The following PRKCSH variants were observed in gnomAD, a reference collection of about 807,000 sequenced individuals.
PRKCSH encodes the protein PRKCSH beta subunit of glucosidase II, also known as glucosidase 2 subunit beta.
PRKCSH carries 42 observed loss-of-function variants against 79.7 expected under a neutral mutation model. The observed-to-expected ratio is 0.53, with a 90% CI of 0.41 to 0.68. The LOEUF (loss-of-function observed/expected upper bound fraction) is 0.68. PRKCSH is among the 30% of genes least tolerant of loss of function. The pLI is 0.00. For synonymous variants in PRKCSH, 325 were observed against 288.2 expected (o/e 1.13, Z -1.29); for missense variants, 686 against 709.0 (o/e 0.97, Z 0.37).
rs1429369917 is a variant in PRKCSH at position 11,449,868 on chromosome 19, A to G, written c.*16+440A>G. 3 of 201,108 alleles carry G rather than the reference A, an allele frequency of 1.5e-5. No homozygotes were observed. The highest frequency in any genetic ancestry group is 2.9e-5 in the Non-Finnish European group (3 of 102,078). The allele number at this position is 201,108 out of a possible 1,614,324, so 12.5% of individuals were successfully genotyped here. The stretch of plus-strand genomic sequence containing the variant: ...CCTTTTTTTTTTTGGATGGAGTTTC[A>G]CTCTTGTTGCCGAGGCTGGAATGTG... On this transcript the variant is annotated intron_variant, in intron 17 of 17. Coordinates refer to ENST00000677123, the MANE Select transcript of PRKCSH (RefSeq NM_001289104.2). This position sits in a 1 kb window ranked among gnomAD's most constrained non-coding sequence, Gnocchi z 6.4.
chr19:11,442,247 A>G (rs1403009355), intron 6 of PRKCSH, 139 bp from the exon 7 acceptor site: 1 of 1,288,980 alleles, frequency 7.8e-7, no homozygotes, highest in Non-Finnish European at 1.1e-6. Flanking sequence ...AGGGAACCCC[A>G]GCTCGGGAGA....
Position 11,436,215 on chromosome 19 carries a change from C to T in PRKCSH, c.79+19C>T, listed in dbSNP as rs748951893. On this transcript the variant is annotated intron_variant, in intron 2 of 17. Transcript: ENST00000677123. ...CTCACCAGTGAGTCCTCCTGTTCACCCTCCCGCCAGGCTGGAGGTGGGAGG... is the reference window on the plus strand; with the variant it reads ...CTCACCAGTGAGTCCTCCTGTTCACTCTCCCGCCAGGCTGGAGGTGGGAGG... The T allele has an allele frequency of 5.7e-6, 9 of 1,591,824 alleles. No homozygotes were observed. Among genetic ancestry groups the T allele is most frequent in the South Asian group, 4.5e-5 (4 of 89,022 alleles).
intron 2 of PRKCSH, 53 bp downstream of exon 2, chr19:11,436,249 T>C (rs1035121766): frequency 1.9e-6 from 3 of 1,601,728 alleles, no homozygotes; most frequent in Non-Finnish European, 2.6e-6. Flanking sequence ...GGGGCCAACA[T>C]TGGGCCTTAG....
At chr19:11,439,952 G>C (rs947523901) in intron 5 of PRKCSH, among the ~76,000 whole-genome samples, 2 of 151,692 alleles carry the variant, frequency 1.3e-5, no homozygotes, top group East Asian at 3.9e-4. Context: ...GGGTGTGTTG[G>C]TGCGTGTCTG....
In PRKCSH at chr19:11,447,058, C is replaced by G. The variant is rs1319279659; in HGVS notation, c.763-16C>G. ...CGTGGTGGCCTAGATCTTGACACCACCCCCAACACACACAGGCCCTCCTCA... is the reference window on the plus strand; with the variant it reads ...CGTGGTGGCCTAGATCTTGACACCAGCCCCAACACACACAGGCCCTCCTCA... On this transcript the variant is annotated splice_polypyrimidine_tract_variant and intron_variant, in intron 9 of 17. Coordinates refer to ENST00000677123, the MANE Select transcript of PRKCSH (RefSeq NM_001289104.2). This position sits in a 1 kb window ranked among gnomAD's most constrained non-coding sequence, Gnocchi z 5.6. 6.2e-7 allele frequency: 1 copy of G among 1,612,980 alleles called. No homozygotes were observed. The highest frequency in any genetic ancestry group is 1.1e-5 in the South Asian group (1 of 91,066).
chr19:11,447,659 G>T lies in PRKCSH; in HGVS notation c.1030-34G>T. 6.4e-7 allele frequency: 1 copy of T among 1,566,782 alleles called. No individual in the cohort carries two copies. Among genetic ancestry groups the T allele is most frequent in the Non-Finnish European group, 8.7e-7 (1 of 1,155,308 alleles). On this transcript the variant is annotated intron_variant, in intron 11 of 17. Transcript: ENST00000677123. This position sits in a 1 kb window ranked among gnomAD's most constrained non-coding sequence, Gnocchi z 5.6. ...AGAAGTGGAGACAGAGAGGGTGGGG[G>T]AAGGGCTACTCACTGACCCTGCCCC...
rs1970424220 is a variant in PRKCSH, at chr19:11,448,360, T to G, written c.1196+69T>G. Reference sequence around the variant, plus strand: ...GCTCCTTGACTCCCAGGGGAGCTGGTGATGGGGAATCACTGAGGCAACCAC... The same window carrying G: ...GCTCCTTGACTCCCAGGGGAGCTGGGGATGGGGAATCACTGAGGCAACCAC... On this transcript the variant is annotated intron_variant, in intron 13 of 17. Coordinates refer to ENST00000677123, the MANE Select transcript of PRKCSH (RefSeq NM_001289104.2). This position sits in a 1 kb window ranked among gnomAD's most constrained non-coding sequence, Gnocchi z 4.4. 6.5e-7 allele frequency: 1 copy of G among 1,535,312 alleles called. No individual in the cohort carries two copies. Among genetic ancestry groups the G allele is most frequent in the Non-Finnish European group, 8.8e-7 (1 of 1,131,112 alleles).
In PRKCSH at chr19:11,447,675, A is replaced by C. The variant is rs1489658735; in HGVS notation, c.1030-18A>C. ...AGGGTGGGGGAAGGGCTACTCACTG[A>C]CCCTGCCCCTGCCCCAGGAGGCCCC... On this transcript the variant is annotated intron_variant, in intron 11 of 17. Coordinates refer to ENST00000677123, the MANE Select transcript of PRKCSH (RefSeq NM_001289104.2). This position sits in a 1 kb window ranked among gnomAD's most constrained non-coding sequence, Gnocchi z 5.6. 3 of 1,561,008 alleles carry C rather than the reference A, an allele frequency of 1.9e-6. No homozygotes were observed. The highest frequency in any genetic ancestry group is 1.4e-5 in the African/African-American group (1 of 73,402).
chr19:11,449,605 C>G lies in PRKCSH; in HGVS notation c.*16+177C>G. On this transcript the variant is annotated intron_variant, in intron 17 of 17. Coordinates refer to ENST00000677123, the MANE Select transcript of PRKCSH (RefSeq NM_001289104.2). The surrounding 1 kb of genome is among the most constrained non-coding windows in gnomAD (Gnocchi z 6.4). ...TGGCCCAGGCTGGAGTGCAGTGATG[C>G]GACCTCAGCTGACTGCAACCTCTAC... 2 of 788,818 alleles carry G rather than the reference C, an allele frequency of 2.5e-6. No individual in the cohort carries two copies. Among genetic ancestry groups the G allele is most frequent in the Non-Finnish European group, 4.0e-6 (2 of 502,812 alleles). 48.9% of individuals were successfully genotyped at this position (788,818 alleles called of 1,614,324 possible).
chr19:11,435,939 A>G, intron 1 of PRKCSH, 102 bp from the exon 2 acceptor site: 4 of 993,794 alleles, frequency 4.0e-6, no homozygotes, highest in Non-Finnish European at 6.2e-6. Context: ...TCGCCCCCAT[A>G]TCGGAAACAA....
In PRKCSH at chr19:11,448,773, A is replaced by G. The variant is rs372478511; in HGVS notation, c.1287-141A>G. ...TGCCTTCCATATTGAGGGGGAGCAG[A>G]AGCCAGGGGCCAGGTTTAGGGTTGG... is the stretch of plus-strand genomic sequence containing the variant. On this transcript the variant is annotated intron_variant, in intron 14 of 17. Coordinates refer to ENST00000677123, the MANE Select transcript of PRKCSH (RefSeq NM_001289104.2). This position sits in a 1 kb window ranked among gnomAD's most constrained non-coding sequence, Gnocchi z 4.4. 3.0e-6 allele frequency: 4 copies of G among 1,330,788 alleles called. No individual in the cohort carries two copies. In the African/African-American group the frequency reaches 5.8e-5, roughly 19 times the overall value. The allele number at this position is 1,330,788 out of a possible 1,614,324, so 82.4% of individuals were successfully genotyped here.
chr19:11,439,902 A>G lies in PRKCSH; in HGVS notation c.351-1338A>G, dbSNP rs149277269. On this transcript the variant is annotated intron_variant, in intron 5 of 17. Coordinates refer to ENST00000677123, the MANE Select transcript of PRKCSH (RefSeq NM_001289104.2). ...CCAAAGTGCGGGGATTACAGATGTG[A>G]GCCACCATGCCCGGCTGAAAATTTG... 6.2e-3 allele frequency among the ~76,000 whole-genome samples: 943 copies of G among 151,646 alleles called. 12 individuals carry two copies. Among genetic ancestry groups the G allele is most frequent in the African/African-American group, 0.021 (880 of 41,378 alleles).
intron 6 of PRKCSH, 68 bp downstream of exon 6, chr19:11,441,425 G>T: frequency 6.8e-7 from 1 of 1,470,406 alleles, no homozygotes. Flanking sequence ...GGGCTTGCAA[G>T]GCTGGGGAGG....
chr19:11,446,838 T>C (rs576479150), intron 9 of PRKCSH, among the ~76,000 whole-genome samples: 4 of 152,002 alleles, frequency 2.6e-5, no homozygotes, highest in African/African-American at 7.2e-5. Context: ...GTCCATCTGC[T>C]TCTCTCTTTC....
Position 11,448,081 on chromosome 19 carries a change from A to C in PRKCSH, c.1127-141A>C, listed in dbSNP as rs541241493. ...AGTCGGGGCTGCTCTATAGCTGGTG[A>C]GGCCCTCAAGGCTGTCGGGGTGAAG... On this transcript the variant is annotated intron_variant, in intron 12 of 17. Coordinates refer to ENST00000677123, the MANE Select transcript of PRKCSH (RefSeq NM_001289104.2). This position sits in a 1 kb window ranked among gnomAD's most constrained non-coding sequence, Gnocchi z 4.4. 76 of 928,362 alleles carry C rather than the reference A, an allele frequency of 8.2e-5. No homozygotes were observed. The Admixed American group carries it at 1.4e-3, about 18-fold the overall frequency. The allele number at this position is 928,362 out of a possible 1,614,324, so 57.5% of individuals were successfully genotyped here.
chr19:11,446,276 TC>T lies in PRKCSH; in HGVS notation c.689del (p.Ser230TrpfsTer2). 6.2e-7 allele frequency: 1 copy of T among 1,613,462 alleles called. No homozygotes were observed. Among genetic ancestry groups the T allele is most frequent in the Non-Finnish European group, 8.5e-7 (1 of 1,179,750 alleles). On this transcript the variant is annotated frameshift_variant, in exon 9 of 18. Coordinates refer to ENST00000677123, the MANE Select transcript of PRKCSH (RefSeq NM_001289104.2). LOFTEE classifies it high-confidence loss of function. ...ELDDDMDGTV[S>X]VTELQTHPEL... ...GCTTCTGCCACGCCCCCGCAGGGTC[TC>T]GGTGACTGAGCTGCAGACTCACCCG...
intron 2 of PRKCSH, 23 bp downstream of exon 2, chr19:11,436,219 C>T (rs747480458): frequency 6.3e-7 from 1 of 1,593,502 alleles, no homozygotes; most frequent in African/African-American, 1.3e-5. Context: ...GTTCACCCTC[C>T]CGCCAGGCTG....
chr19:11,448,181 A>G lies in PRKCSH; in HGVS notation c.1127-41A>G. ...GGAACCCCGTTCCCCATCCTCCTGG[A>G]TGGGGTTGAGGACATCTCTGACCTC... On this transcript the variant is annotated intron_variant, in intron 12 of 17. Transcript: ENST00000677123. The surrounding 1 kb of genome is among the most constrained non-coding windows in gnomAD (Gnocchi z 4.4). 21 of 1,539,156 alleles carry G rather than the reference A, an allele frequency of 1.4e-5. No individual in the cohort carries two copies. Among genetic ancestry groups the G allele is most frequent in the Non-Finnish European group, 1.8e-5 (21 of 1,135,732 alleles).
intron 6 of PRKCSH, 46 bp from the exon 7 acceptor site, chr19:11,442,340 G>A (rs776878519): frequency 3.2e-6 from 5 of 1,550,690 alleles, no homozygotes; most frequent in South Asian, 2.4e-5. Context: ...CAATGAGGAG[G>A]AGGCAGAACA....
Sources: allele counts gnomAD v4.1 joint callset (sites outside exome capture counted in the v4.1 genomes callset), GRCh38; gene constraint gnomAD v4.1.1; non-coding constraint Gnocchi (gnomAD v3.1); transcripts MANE v1.5; gene names NCBI Gene and HGNC (gene_info 2026-07-23, HGNC 2026-07-21).